The following CPNE8 variants were observed in gnomAD, a reference collection of about 807,000 sequenced individuals.
The protein encoded by CPNE8 is copine 8.
In CPNE8, 45 loss-of-function variants were observed where a neutral mutation model predicts 81.5. The ratio of observed to expected loss-of-function variants is 0.55; its 90% CI spans 0.44 to 0.71. The LOEUF (loss-of-function observed/expected upper bound fraction) is 0.71, where lower values mean the gene tolerates loss of function less well. Among genes scored for constraint, CPNE8 ranks in the 30% least tolerant of loss-of-function variants. The probability of loss-of-function intolerance (pLI) is 0.00; values close to 1 mark genes in which losing one functional copy is unlikely to be tolerated. For synonymous variants in CPNE8, 252 were observed against 226.3 expected (o/e 1.11, Z -1.02); for missense variants, 594 against 672.1 (o/e 0.88, Z 1.28).
intron 3 of CPNE8, among the ~76,000 whole-genome samples, chr12:38,870,294 A>G (rs970397667): frequency 6.6e-6 from 1 of 152,214 alleles, no homozygotes; most frequent in East Asian, 1.9e-4. Flanking sequence ...CTGGATATAT[A>G]CCCAAAGGAT....
At chr12:38,905,901 C>T (rs7962363), upstream of CPNE8, 483,791 of 985,014 alleles carry the variant, frequency 0.49, 122,958 homozygotes, top group Non-Finnish European at 0.52. Flanking sequence ...TGGCACCAGA[C>T]GCAGACCCCT....
chr12:38,758,604 G>T (rs1941512384), intron 10 of CPNE8, among the ~76,000 whole-genome samples: 1 of 152,150 alleles, frequency 6.6e-6, no homozygotes. Flanking sequence ...CTTTAGGCAA[G>T]TTACTTCTTT....
At chr12:38,771,292 C>G (rs886227963) in intron 7 of CPNE8, among the ~76,000 whole-genome samples, 7 of 144,190 alleles carry the variant, frequency 4.9e-5, no homozygotes, top group African/African-American at 1.9e-4. Context: ...GAGACCACAT[C>G]TCTATCAAAA....
chr12:38,784,129 T>C (rs1041322085), intron 6 of CPNE8, among the ~76,000 whole-genome samples: 2 of 152,166 alleles, frequency 1.3e-5, no homozygotes, highest in Non-Finnish European at 2.9e-5. Flanking sequence ...ACACAGAAAG[T>C]AATTCAGAAT....
intron 10 of CPNE8, among the ~76,000 whole-genome samples, chr12:38,741,512 C>T (rs1177161951): frequency 6.6e-6 from 1 of 152,144 alleles, no homozygotes; most frequent in Admixed American, 6.6e-5. Flanking sequence ...CTTCCTTACA[C>T]CTTATACAAA....
intron 6 of CPNE8, among the ~76,000 whole-genome samples, chr12:38,781,403 A>G (rs181882051): frequency 6.6e-6 from 1 of 152,218 alleles, no homozygotes; most frequent in East Asian, 1.9e-4. Flanking sequence ...TTTAAAATAG[A>G]TAACAAAATT....
intron 4 of CPNE8, among the ~76,000 whole-genome samples, chr12:38,842,065 C>A (rs1384969515): frequency 6.6e-6 from 1 of 151,010 alleles, no homozygotes; most frequent in Non-Finnish European, 1.5e-5. Context: ...CAAAAACCTG[C>A]CTCAGAAGAA....
intron 3 of CPNE8, among the ~76,000 whole-genome samples, chr12:38,859,685 A>G (rs895480355): frequency 1.3e-5 from 2 of 152,170 alleles, no homozygotes; most frequent in Non-Finnish European, 2.9e-5. Flanking sequence ...CTAAAAAGCT[A>G]TAGTCATTAA....
intron 1 of CPNE8, among the ~76,000 whole-genome samples, chr12:38,901,113 C>A (rs557961963): frequency 1.2e-4 from 18 of 152,178 alleles, no homozygotes; most frequent in Admixed American, 3.9e-4. Context: ...CTCAGCTACT[C>A]GAGAGGCTGA....
chr12:38,798,580 G>C (rs1227942248), intron 6 of CPNE8, among the ~76,000 whole-genome samples: 3 of 151,998 alleles, frequency 2.0e-5, no homozygotes, highest in Non-Finnish European at 4.4e-5. Context: ...ACCGGTACCA[G>C]CCACTGCAAA....
At chr12:38,877,570 A>G (rs763778582) in intron 1 of CPNE8, among the ~76,000 whole-genome samples, 83 of 152,306 alleles carry the variant, frequency 5.4e-4, no homozygotes, top group African/African-American at 1.8e-3. Context: ...AAATTCTTCA[A>G]TAGAAATTTT....
At chr12:38,687,713 C>T (rs1219015451) in intron 15 of CPNE8, among the ~76,000 whole-genome samples, 1 of 152,126 alleles carries the variant, frequency 6.6e-6, no homozygotes, top group Non-Finnish European at 1.5e-5. Context: ...GGCTGGGGAG[C>T]TTAGGAAACG....
chr12:38,666,882 C>T (rs1939067437), intron 19 of CPNE8, among the ~76,000 whole-genome samples: 1 of 152,178 alleles, frequency 6.6e-6, no homozygotes, highest in Admixed American at 6.5e-5. Context: ...GCTTCATGTC[C>T]TTTTTTGTAA....
intron 19 of CPNE8, among the ~76,000 whole-genome samples, chr12:38,662,116 C>T (rs968349219): frequency 3.9e-5 from 6 of 152,090 alleles, no homozygotes; most frequent in East Asian, 1.9e-4. Context: ...TGCCCATTTT[C>T]GCCACCCTTA....
intron 8 of CPNE8, among the ~76,000 whole-genome samples, chr12:38,765,483 T>C (rs1465237580): frequency 1.3e-5 from 2 of 152,096 alleles, no homozygotes; most frequent in Admixed American, 1.3e-4. Flanking sequence ...ATACTTCCAG[T>C]AGAAATTAAG....
intron 5 of CPNE8, among the ~76,000 whole-genome samples, chr12:38,832,079 CT>C: frequency 6.6e-6 from 1 of 152,142 alleles, no homozygotes; most frequent in Non-Finnish European, 1.5e-5. Context: ...CACCAAAAAG[CT>C]ATGACGTGAA....
At chr12:38,837,119 G>A (rs1943394984) in intron 5 of CPNE8, among the ~76,000 whole-genome samples, 1 of 152,074 alleles carries the variant, frequency 6.6e-6, no homozygotes, top group South Asian at 2.1e-4. Context: ...TATATCGGTA[G>A]AAAAGTAATG....
At chr12:38,720,706 T>A (rs1940539221) in intron 13 of CPNE8, 1 of 152,192 alleles carries the variant, frequency 6.6e-6, no homozygotes, top group Non-Finnish European at 1.5e-5. Context: ...AGCCTTACGC[T>A]GCCATCACGC....
intron 8 of CPNE8, among the ~76,000 whole-genome samples, chr12:38,765,772 A>G (rs557910516): frequency 7.4e-4 from 113 of 152,212 alleles, no homozygotes; most frequent in Non-Finnish European, 1.6e-3. Flanking sequence ...CCAACTTTTA[A>G]AAATAGTTTT....
Sources: gnomAD v4.1 joint callset for allele counts (sites outside exome capture counted in the v4.1 genomes callset) on GRCh38, gnomAD v4.1.1 for gene constraint, MANE v1.5 for transcripts, NCBI Gene and HGNC (gene_info 2026-07-23, HGNC 2026-07-21) for gene names.